The following ZNF606 variants were observed in gnomAD, a reference collection of about 807,000 sequenced individuals.
ZNF606 encodes zinc finger protein 328.
ZNF606 carries 37 observed loss-of-function variants against 74.9 expected under a neutral mutation model. The observed-to-expected ratio is 0.49, with a 90% CI of 0.38 to 0.65. ZNF606 has a LOEUF of 0.65. ZNF606 is among the 30% of genes least tolerant of loss of function. ZNF606 has a pLI of 0.00. For missense variants in ZNF606, 852 were observed against 952.9 expected, an observed-to-expected ratio of 0.89 and a Z score of 1.39; for synonymous variants, 328 against 312.4, an observed-to-expected ratio of 1.05 and a Z score of -0.53.
chr19:57,979,378 T>C lies in ZNF606; in HGVS notation c.1302A>G (p.Gly434=). 1.2e-6 allele frequency: 2 copies of C among 1,613,190 alleles called. No homozygotes were observed. Among genetic ancestry groups the C allele is most frequent in the Non-Finnish European group, 1.7e-6 (2 of 1,179,550 alleles). The change falls in exon 7 of 7, where the codon GGA becomes GGG. Residue 434 remains glycine, a synonymous_variant. Coordinates refer to ENST00000551380, the MANE Select transcript of ZNF606 (RefSeq NM_001348022.3). Reference sequence around the variant, plus strand: ...GGGCTGAGCGATTCCTAAAAACTTTTCCACATTTATCACATTCATAGGGTT... The same window carrying C: ...GGGCTGAGCGATTCCTAAAAACTTTCCCACATTTATCACATTCATAGGGTT... ...GEKPYECDKC[G]KVFRNRSALT... is the part of the protein sequence containing the mutation.
chr19:57,978,331 C>G lies in ZNF606; in HGVS notation c.2349G>C (p.Gln783His). The change falls in exon 7 of 7, where the codon CAG becomes CAC. Residue 783 changes from glutamine to histidine, a missense_variant. Coordinates refer to ENST00000551380, the MANE Select transcript of ZNF606 (RefSeq NM_001348022.3). The surrounding 1 kb of genome is among the most constrained non-coding windows in gnomAD (Gnocchi z 4.4). The part of the protein sequence containing the change: ...FSGHSALLQH[Q>H]RNHSEEKLN ...TCAGTTTCTCTTCACTGTGATTTCT[C>G]TGGTGTTGAAGTAGGGCTGAGTGAC... is the stretch of plus-strand genomic sequence containing the variant. 1 of 1,575,350 alleles carries G rather than the reference C, an allele frequency of 6.3e-7. No homozygotes were observed.
Position 57,988,587 on chromosome 19 carries a change from T to C in ZNF606, c.304+8A>G. On this transcript the variant is annotated splice_region_variant and intron_variant, in intron 5 of 6. Transcript: ENST00000551380. ...CAGCTTCGTTTACTTGGGCAGCACC[T>C]GCCTTACCCACAGAGAGCAGGTGAC... 6.2e-7 allele frequency: 1 copy of C among 1,611,472 alleles called. No individual in the cohort carries two copies. Among genetic ancestry groups the C allele is most frequent in the South Asian group, 1.1e-5 (1 of 90,930 alleles).
Position 57,979,865 on chromosome 19 carries a change from T to C in ZNF606, c.815A>G (p.Gln272Arg), listed in dbSNP as rs1252703832. 3 of 1,613,680 alleles carry C rather than the reference T, an allele frequency of 1.9e-6. No homozygotes were observed. The highest frequency in any genetic ancestry group is 2.5e-6 in the Non-Finnish European group (3 of 1,180,038). Residue 272 changes from glutamine (Q) to arginine (R), a missense_variant, in exon 7 of 7, where the codon CAG (glutamine) becomes CGG (arginine). Gln to Arg is a conservative substitution (Grantham distance 43). Coordinates refer to ENST00000551380, the MANE Select transcript of ZNF606 (RefSeq NM_001348022.3). ...ENNDYDKTVY[Q>R]SIQPIYPARI... Reference sequence around the variant, plus strand: ...TGCAGGGTAAATAGGTTGAATGGACTGATAAACAGTTTTGTCATAATCATT... The same window carrying C: ...TGCAGGGTAAATAGGTTGAATGGACCGATAAACAGTTTTGTCATAATCATT...
At chr19:57,992,768 T>C (rs2073279315) in intron 4 of ZNF606, among the ~76,000 whole-genome samples, 1 of 152,126 alleles carries the variant, frequency 6.6e-6, no homozygotes, top group African/African-American at 2.4e-5. Flanking sequence ...TGCTTTCAAA[T>C]CCTCCAGTTT....
chr19:57,979,648 C>A lies in ZNF606; in HGVS notation c.1032G>T (p.Gln344His). The change falls in exon 7 of 7, where the codon CAG (glutamine) becomes CAT (histidine). Residue 344 changes from glutamine to histidine, a missense_variant. Gln to His is a conservative substitution (Grantham distance 24). Coordinates refer to ENST00000551380, the MANE Select transcript of ZNF606 (RefSeq NM_001348022.3). The part of the protein sequence containing the change: ...EHPRLHVGEN[Q>H]YNYKEYENIF... ...TATTCTCATATTCTTTGTAATTATA[C>A]TGGTTTTCTCCAACATGAAGCCTTG... 1 of 1,613,596 alleles carries A rather than the reference C, an allele frequency of 6.2e-7. No individual in the cohort carries two copies. Among genetic ancestry groups the A allele is most frequent in the Non-Finnish European group, 8.5e-7 (1 of 1,179,968 alleles).
At position 58,001,389 on chromosome 19, in the gene ZNF606, A is replaced by C. The variant is rs759542392; in HGVS notation, c.-51-19T>G. ...TCCCAACCTAGTGACAAAAGTGAAA[A>C]AAGACAAAACTAGTCCTTTCTCACA... On this transcript the variant is annotated intron_variant, in intron 1 of 6. Transcript: ENST00000551380. The C allele has an allele frequency of 3.1e-6, 5 of 1,602,270 alleles. No homozygotes were observed. The highest frequency in any genetic ancestry group is 4.3e-6 in the Non-Finnish European group (5 of 1,170,730).
At chr19:57,996,856 A>G (rs2073348411) in intron 4 of ZNF606, among the ~76,000 whole-genome samples, 1 of 152,232 alleles carries the variant, frequency 6.6e-6, no homozygotes, top group African/African-American at 2.4e-5. Context: ...ACATTCTTGC[A>G]CACATCACTT....
intron 4 of ZNF606, among the ~76,000 whole-genome samples, chr19:57,994,009 A>T (rs1157164655): frequency 6.6e-6 from 1 of 152,244 alleles, no homozygotes; most frequent in African/African-American, 2.4e-5. Context: ...GCACAGATAA[A>T]GCGACTGAAC....
At chr19:57,982,848 T>C (rs1453079961) in intron 6 of ZNF606, among the ~76,000 whole-genome samples, 1 of 152,192 alleles carries the variant, frequency 6.6e-6, no homozygotes, top group East Asian at 1.9e-4. Context: ...GGTCCCGCCA[T>C]GTTGCCCAGG....
chr19:57,981,358 G>T (rs1442833385), intron 6 of ZNF606, among the ~76,000 whole-genome samples: 1 of 151,918 alleles, frequency 6.6e-6, no homozygotes, highest in Non-Finnish European at 1.5e-5. Flanking sequence ...AATGACTTTT[G>T]AGTCCTATAA....
In ZNF606 at chr19:57,977,480, T is replaced by C. The variant is rs1356541205; in HGVS notation, c.*821A>G. 6.6e-6 allele frequency: 1 copy of C among 152,262 alleles called. No homozygotes were observed. Among genetic ancestry groups the C allele is most frequent in the African/African-American group, 2.4e-5 (1 of 41,472 alleles). 9.4% of individuals were successfully genotyped at this position (152,262 alleles called of 1,614,324 possible). ...TTTTTTAGATGTGTTACAGTAAGTA[T>C]GTATATACAATTCTGTATCCTTTTT... On this transcript the variant is annotated 3_prime_UTR_variant, in exon 7 of 7. Transcript: ENST00000551380.
intron 6 of ZNF606, among the ~76,000 whole-genome samples, chr19:57,987,525 G>A (rs1207023410): frequency 6.6e-6 from 1 of 152,066 alleles, no homozygotes; most frequent in African/African-American, 2.4e-5. Flanking sequence ...CAAGATCTAA[G>A]TAAGAAAGAA....
intron 6 of ZNF606, among the ~76,000 whole-genome samples, chr19:57,980,752 A>T (rs879544431): frequency 6.6e-6 from 1 of 150,638 alleles, no homozygotes; most frequent in Non-Finnish European, 1.5e-5. Flanking sequence ...GGAGAATGGC[A>T]TGAACCCGGG....
intron 4 of ZNF606, among the ~76,000 whole-genome samples, chr19:57,996,077 T>C (rs2073338182): frequency 6.6e-6 from 1 of 152,132 alleles, no homozygotes; most frequent in Non-Finnish European, 1.5e-5. Context: ...TTTTAAAAAT[T>C]TAGAAATGAA....
At chr19:57,985,082 G>GA (rs1268033154) in intron 6 of ZNF606, among the ~76,000 whole-genome samples, 3 of 152,022 alleles carry the variant, frequency 2.0e-5, no homozygotes, top group Admixed American at 6.6e-5. Flanking sequence ...GCGACAGAGC[G>GA]AGACTCCATC....
At chr19:57,984,040 G>C (rs566188446) in intron 6 of ZNF606, among the ~76,000 whole-genome samples, 1 of 152,274 alleles carries the variant, frequency 6.6e-6, no homozygotes, top group South Asian at 2.1e-4. Context: ...ACTTGGGCTG[G>C]AATTTTACGA....
chr19:57,984,230 G>C (rs1433160656), intron 6 of ZNF606, among the ~76,000 whole-genome samples: 3 of 152,208 alleles, frequency 2.0e-5, no homozygotes, highest in Non-Finnish European at 4.4e-5. Context: ...CAGGAAGATG[G>C]GAGAACATCT....
rs886343618 is a variant in ZNF606, at chr19:58,002,727, A to G, written c.-383T>C. On this transcript the variant is annotated 5_prime_UTR_variant, in exon 1 of 7. Coordinates refer to ENST00000551380, the MANE Select transcript of ZNF606 (RefSeq NM_001348022.3). Reference sequence around the variant, plus strand: ...CCGCCTCTCCCAGCCGGCTCTCCTGACCCCCCAAGCCCCGCAGCTACGGCG... The same window carrying G: ...CCGCCTCTCCCAGCCGGCTCTCCTGGCCCCCCAAGCCCCGCAGCTACGGCG... 3 of 453,406 alleles carry G rather than the reference A, an allele frequency of 6.6e-6. No individual in the cohort carries two copies. Among genetic ancestry groups the G allele is most frequent in the Admixed American group, 4.7e-5 (2 of 42,406 alleles). 28.1% of individuals were successfully genotyped at this position (453,406 alleles called of 1,614,324 possible).
At chr19:57,980,581 A>G in intron 6 of ZNF606, among the ~76,000 whole-genome samples, 1 of 152,214 alleles carries the variant, frequency 6.6e-6, no homozygotes, top group Non-Finnish European at 1.5e-5. Flanking sequence ...TACGCCTGTA[A>G]TCCCAGCACT....
Sources: allele counts gnomAD v4.1 joint callset (sites outside exome capture counted in the v4.1 genomes callset), GRCh38; gene constraint gnomAD v4.1.1; non-coding constraint Gnocchi (gnomAD v3.1); transcripts MANE v1.5; gene names NCBI Gene and HGNC (gene_info 2026-07-23, HGNC 2026-07-21).